The following NEDD9 variants were observed in gnomAD, a reference collection of about 807,000 sequenced individuals.
NEDD9 encodes enhancer of filamentation 1.
A neutral mutation model predicts 76.6 loss-of-function variants in NEDD9; 26 were observed. That is an observed-to-expected ratio of 0.34 (90% CI 0.25 to 0.47). NEDD9 has a LOEUF of 0.47. Ranked by LOEUF, NEDD9 falls within the 20% of genes least tolerant of loss-of-function variation. The pLI, the probability that NEDD9 is intolerant of heterozygous loss-of-function variation, is 1.00. For synonymous variants in NEDD9, 392 were observed against 414.2 expected (o/e 0.95, Z 0.65); for missense variants, 937 against 1,058.5 (o/e 0.89, Z 1.59).
At chr6:11,336,431 T>A (rs7765549) in intron 1 of NEDD9, among the ~76,000 whole-genome samples, 2,413 of 152,304 alleles carry the variant, frequency 0.016, 62 homozygotes, top group East Asian at 0.12. Flanking sequence ...AATATTGTAG[T>A]CAATGGCAAC....
At chr6:11,319,621 A>G (rs9380203) in intron 2 of NEDD9, among the ~76,000 whole-genome samples, 2,526 of 106,132 alleles carry the variant, frequency 0.024, 79 homozygotes, top group African/African-American at 0.083. Context: ...TCACACTCAC[A>G]CACACACACA....
intron 3 of NEDD9, among the ~76,000 whole-genome samples, chr6:11,263,717 C>T (rs75151745): frequency 0.053 from 8,095 of 152,270 alleles, 216 homozygotes; most frequent in Middle Eastern, 0.13. Flanking sequence ...GTCACATGTG[C>T]ATAGGTGCCA....
chr6:11,232,379 G>A lies in NEDD9; in HGVS notation c.12+125C>T, dbSNP rs571510890. On this transcript the variant is annotated intron_variant, in intron 1 of 6. Transcript: ENST00000379446. ...TGCTTGCATGTCAACCTCAGTGACC[G>A]AGACTCATCTTAGAACTCTCCGGGA... 2.3e-4 allele frequency: 273 copies of A among 1,213,038 alleles called. 1 individual carries two copies. In the African/African-American group the frequency reaches 3.5e-3, roughly 15 times the overall value. 75.1% of individuals were successfully genotyped at this position (1,213,038 alleles called of 1,614,324 possible).
At chr6:11,275,396 T>G (rs1349387570) in intron 3 of NEDD9, among the ~76,000 whole-genome samples, 3 of 152,158 alleles carry the variant, frequency 2.0e-5, no homozygotes, top group African/African-American at 7.2e-5. Context: ...AGAGAGTGGA[T>G]TTTAAATATT....
intron 1 of NEDD9, among the ~76,000 whole-genome samples, chr6:11,336,939 G>A (rs79839076): frequency 0.016 from 2,412 of 152,214 alleles, 63 homozygotes; most frequent in East Asian, 0.12. Context: ...ATGCCTTCTT[G>A]GCTGGGCGCG....
chr6:11,368,443 A>C (rs1004861751), intron 1 of NEDD9, among the ~76,000 whole-genome samples: 1 of 152,196 alleles, frequency 6.6e-6, no homozygotes, highest in African/African-American at 2.4e-5. Context: ...TACGCTACTA[A>C]TCAACACACA....
intron 3 of NEDD9, among the ~76,000 whole-genome samples, chr6:11,300,222 A>T (rs1256252601): frequency 1.3e-5 from 2 of 152,228 alleles, no homozygotes. Flanking sequence ...CATGCACAAG[A>T]TTCAATAGCC....
At chr6:11,381,311 C>G (rs1763059894) in intron 1 of NEDD9, among the ~76,000 whole-genome samples, 1 of 152,202 alleles carries the variant, frequency 6.6e-6, no homozygotes, top group Non-Finnish European at 1.5e-5. Flanking sequence ...AGCGCCTACT[C>G]TCACTTCTCA....
At chr6:11,309,189 C>G (rs559601221) in intron 2 of NEDD9, among the ~76,000 whole-genome samples, 1 of 152,338 alleles carries the variant, frequency 6.6e-6, no homozygotes, top group African/African-American at 2.4e-5. Flanking sequence ...GCTTCTCCCA[C>G]TCAGCATTAG....
chr6:11,317,403 G>A (rs1761602224), intron 2 of NEDD9, among the ~76,000 whole-genome samples: 1 of 151,580 alleles, frequency 6.6e-6, no homozygotes, highest in Non-Finnish European at 1.5e-5. Context: ...GCTATAGGGT[G>A]AGGCTCCGTC....
chr6:11,329,532 G>C (rs1477723229), intron 2 of NEDD9, among the ~76,000 whole-genome samples: 2 of 152,172 alleles, frequency 1.3e-5, no homozygotes, highest in African/African-American at 4.8e-5. Context: ...TATCTTTCTT[G>C]GCTATAAATG....
At chr6:11,329,399 A>G (rs192928660) in intron 2 of NEDD9, among the ~76,000 whole-genome samples, 21 of 152,296 alleles carry the variant, frequency 1.4e-4, no homozygotes, top group Non-Finnish European at 1.6e-4. Context: ...AACTCACCCC[A>G]CAACCTGTCC....
At chr6:11,325,105 C>G (rs1181182329) in intron 2 of NEDD9, among the ~76,000 whole-genome samples, 1 of 152,074 alleles carries the variant, frequency 6.6e-6, no homozygotes, top group East Asian at 1.9e-4. Flanking sequence ...CCTGTAATCC[C>G]AGCACTTTGG....
chr6:11,223,387 T>A (rs892544340), intron 1 of NEDD9, among the ~76,000 whole-genome samples: 2 of 151,898 alleles, frequency 1.3e-5, no homozygotes, highest in African/African-American at 4.8e-5. Context: ...AGAGTCTCTA[T>A]AAAATCAAAG....
chr6:11,254,527 AC>A (rs1759967741), intron 3 of NEDD9, among the ~76,000 whole-genome samples: 1 of 152,350 alleles, frequency 6.6e-6, no homozygotes, highest in Admixed American at 6.5e-5. Flanking sequence ...GTTTTTGGTT[AC>A]ATAAATACAT....
upstream of NEDD9, chr6:11,233,382 T>A: frequency 1.9e-6 from 1 of 519,012 alleles, no homozygotes; most frequent in Non-Finnish European, 3.8e-6. Context: ...TTGAGCGACC[T>A]TCAGTGGCTT....
intron 1 of NEDD9, among the ~76,000 whole-genome samples, chr6:11,355,859 TACAGGC>T (rs1285583693): frequency 2.6e-5 from 4 of 152,100 alleles, no homozygotes; most frequent in Non-Finnish European, 5.9e-5. Flanking sequence ...TAGCTGGGAC[TACAGGC>T]ACCCGCCACC....
intron 3 of NEDD9, among the ~76,000 whole-genome samples, chr6:11,299,086 C>T (rs540117894): frequency 6.6e-6 from 1 of 152,280 alleles, no homozygotes; most frequent in Non-Finnish European, 1.5e-5. Context: ...CTTTCCTAGC[C>T]AAGGGAAGCC....
At chr6:11,237,148 T>C (rs1191118282), upstream of NEDD9, among the ~76,000 whole-genome samples, 1 of 152,142 alleles carries the variant, frequency 6.6e-6, no homozygotes, top group East Asian at 1.9e-4. The surrounding 1 kb of genome is among the most constrained non-coding windows in gnomAD (Gnocchi z 4.9). Context: ...CCTCCCTCCC[T>C]TCACTATGCC....
Sources: gnomAD v4.1 joint callset for allele counts (sites outside exome capture counted in the v4.1 genomes callset) on GRCh38, gnomAD v4.1.1 for gene constraint, Gnocchi (gnomAD v3.1) non-coding constraint, MANE v1.5 for transcripts, NCBI Gene and HGNC (gene_info 2026-07-23, HGNC 2026-07-21) for gene names.